Variants in C1orf21 observed in about 807,000 individuals in gnomAD.
C1orf21 encodes uncharacterized protein C1orf21.
Under a neutral mutation model 18.7 loss-of-function variants are expected in C1orf21, and 3 were observed. The observed-to-expected ratio is 0.16, with a 90% CI of 0.07 to 0.42. C1orf21 has a LOEUF of 0.42. Among genes scored for constraint, C1orf21 ranks in the 10% least tolerant of loss-of-function variants. The pLI is 0.99. For missense variants in C1orf21, 104 were observed against 143.6 expected (o/e 0.72, Z 1.41); for synonymous variants, 41 against 46.4 (o/e 0.88, Z 0.47).
chr1:184,611,905 A>C (rs1170859390), intron 5 of C1orf21, among the ~76,000 whole-genome samples: 1 of 152,198 alleles, frequency 6.6e-6, no homozygotes. Context: ...ATATTGGTAC[A>C]ATATACACTG....
chr1:184,590,681 CTTGT>C (rs1659424467), intron 3 of C1orf21, 54 bp from the exon 4 acceptor site: 1 of 1,507,942 alleles, frequency 6.6e-7, no homozygotes, highest in South Asian at 1.1e-5. Flanking sequence ...AACTCATACA[CTTGT>C]TTAATTGTGG....
chr1:184,556,498 C>A (rs992628632), intron 3 of C1orf21, among the ~76,000 whole-genome samples: 3 of 152,162 alleles, frequency 2.0e-5, no homozygotes, highest in African/African-American at 4.8e-5. Flanking sequence ...AGAGGACAGT[C>A]CCCTGATTAT....
intron 5 of C1orf21, among the ~76,000 whole-genome samples, chr1:184,601,383 T>C (rs1466012713): frequency 1.3e-5 from 2 of 152,184 alleles, no homozygotes; most frequent in East Asian, 1.9e-4. Context: ...AAATTTCTGC[T>C]CTATCTCCCT....
At chr1:184,567,195 G>A (rs1659046802) in intron 3 of C1orf21, 1 of 471,902 alleles carries the variant, frequency 2.1e-6, no homozygotes, top group Non-Finnish European at 4.3e-6. Context: ...AATAGCCTAA[G>A]GCACACAATG....
At chr1:184,481,038 C>G (rs1399633030) in intron 2 of C1orf21, among the ~76,000 whole-genome samples, 1 of 151,666 alleles carries the variant, frequency 6.6e-6, no homozygotes, top group Admixed American at 6.6e-5. Context: ...AAAGTAAGCA[C>G]GTAGTTAGAT....
rs1406527796 is a variant in C1orf21, at chr1:184,387,351, C to A, written c.-142C>A. On this transcript the variant is annotated 5_prime_UTR_variant, in exon 1 of 6. Coordinates refer to ENST00000235307, the MANE Select transcript of C1orf21 (RefSeq NM_030806.4). The surrounding 1 kb of genome is among the most constrained non-coding windows in gnomAD (Gnocchi z 5.6). ...GGCGGGAGGCTTGCCACCTTCAGCC[C>A]CCCCGCGAACGCCCAAGGTAAGTGT... The A allele has an allele frequency of 1.3e-5, 2 of 152,414 alleles. No homozygotes were observed. The highest frequency in any genetic ancestry group is 1.5e-5 in the Non-Finnish European group (1 of 68,344). 9.4% of individuals were successfully genotyped at this position (152,414 alleles called of 1,614,324 possible).
intron 3 of C1orf21, among the ~76,000 whole-genome samples, chr1:184,584,163 C>G (rs1374477624): frequency 1.6e-5 from 2 of 126,454 alleles, no homozygotes; most frequent in African/African-American, 6.0e-5. Context: ...TTTAAGAAAG[C>G]AGATCTCTTT....
Position 184,525,580 on chromosome 1 carries a change from T to C in C1orf21, c.189+17898T>C, listed in dbSNP as rs1658366411. On this transcript the variant is annotated intron_variant, in intron 3 of 5. Coordinates refer to ENST00000235307, the MANE Select transcript of C1orf21 (RefSeq NM_030806.4). ...TGAAACACACCTGTAGAATAACCTA[T>C]GAGAGAAGTTTGCTGGTGTTAACTG... Among the ~76,000 whole-genome samples, 3 of 152,064 alleles carry C rather than the reference T, an allele frequency of 2.0e-5. No homozygotes were observed. The South Asian group carries it at 6.2e-4, about 32-fold the overall frequency.
At chr1:184,547,751 A>T (rs1658746983) in intron 3 of C1orf21, among the ~76,000 whole-genome samples, 1 of 152,226 alleles carries the variant, frequency 6.6e-6, no homozygotes, top group Non-Finnish European at 1.5e-5. Context: ...AGCATATCCC[A>T]TCCTTTATGA....
intron 5 of C1orf21, 119 bp from the exon 6 acceptor site, chr1:184,619,399 C>A: frequency 1.8e-6 from 2 of 1,103,250 alleles, no homozygotes; most frequent in Non-Finnish European, 1.3e-6. Context: ...CTATCACTGA[C>A]AAAGCCTGGA....
chr1:184,441,867 C>T (rs915260651), intron 1 of C1orf21, among the ~76,000 whole-genome samples: 3 of 152,074 alleles, frequency 2.0e-5, no homozygotes, highest in Non-Finnish European at 4.4e-5. Flanking sequence ...GCAAGTGTTT[C>T]CTGTTCAGCT....
Position 184,628,648 on chromosome 1 carries a change from C to T in C1orf21, c.*9092C>T, listed in dbSNP as rs1660056060. The T allele has an allele frequency of 6.6e-6, 1 of 152,414 alleles. No homozygotes were observed. 9.4% of individuals were successfully genotyped at this position (152,414 alleles called of 1,614,324 possible). On this transcript the variant is annotated 3_prime_UTR_variant, in exon 6 of 6. Transcript: ENST00000235307. ...TTCAAAACCCTAAAGGAGAGCTGTCCCTAGACAGTAGTGGCTACAGGTGCT... is the reference window on the plus strand; with the variant it reads ...TTCAAAACCCTAAAGGAGAGCTGTCTCTAGACAGTAGTGGCTACAGGTGCT...
At chr1:184,398,657 G>A (rs181972579) in intron 1 of C1orf21, among the ~76,000 whole-genome samples, 10 of 152,232 alleles carry the variant, frequency 6.6e-5, no homozygotes, top group African/African-American at 2.2e-4. Context: ...GCACACCTAG[G>A]CTATAGGATA....
intron 4 of C1orf21, among the ~76,000 whole-genome samples, chr1:184,596,854 G>A (rs1331801410): frequency 1.4e-5 from 2 of 145,380 alleles, no homozygotes; most frequent in Non-Finnish European, 3.0e-5. Context: ...CTGGGCGAAA[G>A]TGCGAGACGA....
chr1:184,454,943 A>G (rs942293936), intron 1 of C1orf21, among the ~76,000 whole-genome samples: 1 of 152,192 alleles, frequency 6.6e-6, no homozygotes, highest in Non-Finnish European at 1.5e-5. Context: ...GTAAGAGAAA[A>G]GAGAAAGAAA....
At position 184,627,336 on chromosome 1, in the gene C1orf21, T is replaced by C. The variant is rs1364208133; in HGVS notation, c.*7780T>C. 6.6e-6 allele frequency: 1 copy of C among 151,952 alleles called. No individual in the cohort carries two copies. The highest frequency in any genetic ancestry group is 1.5e-5 in the Non-Finnish European group (1 of 68,018). The allele number at this position is 151,952 out of a possible 1,614,324, so 9.4% of individuals were successfully genotyped here. On this transcript the variant is annotated 3_prime_UTR_variant, in exon 6 of 6. Coordinates refer to ENST00000235307, the MANE Select transcript of C1orf21 (RefSeq NM_030806.4). ...CCCAGAAAAATAATTAGAAAAATGT[T>C]TAGGAGAAAGGAAAAGAATTAGATG...
chr1:184,620,547 T>TA lies in C1orf21; in HGVS notation c.*991_*992insA, dbSNP rs1659900869. ...TGAAACCACCTTGTTACCTTTCATTTTGTTAGCAAATAAACCATCCTATTT... is the reference window on the plus strand; with the variant it reads ...TGAAACCACCTTGTTACCTTTCATTTATGTTAGCAAATAAACCATCCTATTT... On this transcript the variant is annotated 3_prime_UTR_variant, in exon 6 of 6. Coordinates refer to ENST00000235307, the MANE Select transcript of C1orf21 (RefSeq NM_030806.4). 1 of 152,664 alleles carries TA rather than the reference T, an allele frequency of 6.6e-6. No homozygotes were observed. The highest frequency in any genetic ancestry group is 1.9e-4 in the East Asian group (1 of 5,192). The allele number at this position is 152,664 out of a possible 1,614,324, so 9.5% of individuals were successfully genotyped here.
chr1:184,624,872 G>A lies in C1orf21; in HGVS notation c.*5316G>A, dbSNP rs1166763887. On this transcript the variant is annotated 3_prime_UTR_variant, in exon 6 of 6. Coordinates refer to ENST00000235307, the MANE Select transcript of C1orf21 (RefSeq NM_030806.4). The stretch of plus-strand genomic sequence containing the variant: ...GATGACTCATGTCTCCATAGCAACT[G>A]TTAAAGGTGCTGCCTAGACGGGACC... 2.0e-5 allele frequency: 3 copies of A among 152,144 alleles called. No homozygotes were observed. The highest frequency in any genetic ancestry group is 2.1e-4 in the South Asian group (1 of 4,826). The allele number at this position is 152,144 out of a possible 1,614,324, so 9.4% of individuals were successfully genotyped here. A position where few individuals can be genotyped will look rare whatever the true frequency, so the allele number is the denominator to read the frequency against.
At chr1:184,576,061 C>T (rs544455198) in intron 3 of C1orf21, among the ~76,000 whole-genome samples, 1 of 152,146 alleles carries the variant, frequency 6.6e-6, no homozygotes, top group Non-Finnish European at 1.5e-5. Flanking sequence ...AGCTTCATTC[C>T]TGTTAGGTAA....
Sources: allele counts gnomAD v4.1 joint callset (sites outside exome capture counted in the v4.1 genomes callset), GRCh38; gene constraint gnomAD v4.1.1; non-coding constraint Gnocchi (gnomAD v3.1); transcripts MANE v1.5; gene names NCBI Gene and HGNC (gene_info 2026-07-23, HGNC 2026-07-21).